Variants in PLCZ1 observed in about 807,000 individuals in gnomAD.
PLCZ1 encodes 1-phosphatidylinositol 4,5-bisphosphate phosphodiesterase zeta-1.
Under a neutral mutation model 76.8 loss-of-function variants are expected in PLCZ1, and 64 were observed. That is an observed-to-expected ratio of 0.83 (90% CI 0.68 to 1.03). The LOEUF (loss-of-function observed/expected upper bound fraction) is 1.03. PLCZ1 is among the 50% of genes least tolerant of loss of function. PLCZ1 has a pLI of 0.00. For missense variants in PLCZ1, 751 were observed against 713.7 expected (o/e 1.05, Z -0.60); for synonymous variants, 248 against 230.8 (o/e 1.07, Z -0.68).
the PLCZ1 span, among the ~76,000 whole-genome samples, chr12:18,652,677 G>A: frequency 6.6e-6 from 1 of 152,088 alleles, no homozygotes; most frequent in African/African-American, 2.4e-5. Flanking sequence ...TGGCACACCA[G>A]TACAAGAAAA....
At chr12:18,734,849 T>A (rs574903121) in intron 3 of PLCZ1, among the ~76,000 whole-genome samples, 42 of 152,336 alleles carry the variant, frequency 2.8e-4, no homozygotes, top group African/African-American at 8.7e-4. Flanking sequence ...TTTTCCCAGA[T>A]CTTAGAAAAA....
chr12:18,718,701 A>G (rs1024312194), intron 5 of PLCZ1, among the ~76,000 whole-genome samples: 2 of 152,146 alleles, frequency 1.3e-5, no homozygotes, highest in Non-Finnish European at 2.9e-5. Context: ...TCCACCCCAC[A>G]GTCACTTTCT....
chr12:18,648,117 TTGTCAAAGAC>T, the PLCZ1 span: 1 of 754,630 alleles, frequency 1.3e-6, no homozygotes, highest in Admixed American at 3.3e-5. Context: ...GGCATCTTTG[TTGTCAAAGAC>T]AGCACAGGGT....
the PLCZ1 span, among the ~76,000 whole-genome samples, chr12:18,652,922 T>C: frequency 6.6e-6 from 1 of 151,780 alleles, no homozygotes; most frequent in Non-Finnish European, 1.5e-5. Flanking sequence ...ATATACATAT[T>C]CTGTCTCACA....
chr12:18,706,014 G>C (rs1313676247), intron 6 of PLCZ1, among the ~76,000 whole-genome samples: 2 of 151,994 alleles, frequency 1.3e-5, no homozygotes, highest in Admixed American at 6.6e-5. Flanking sequence ...ATCACCTGGG[G>C]TCAGGAGTTC....
At chr12:18,712,370 A>G (rs553288344) in intron 6 of PLCZ1, among the ~76,000 whole-genome samples, 2 of 152,178 alleles carry the variant, frequency 1.3e-5, no homozygotes, top group Non-Finnish European at 2.9e-5. Context: ...TAAATTAAAC[A>G]TTTTTGAATC....
intron 11 of PLCZ1, 88 bp downstream of exon 11, chr12:18,696,062 A>G: frequency 1.4e-6 from 1 of 705,908 alleles, no homozygotes. Flanking sequence ...TTTTACAGAA[A>G]GCCCTTTTCA....
chr12:18,716,896 GC>G (rs1168947683), intron 5 of PLCZ1, among the ~76,000 whole-genome samples: 1 of 152,072 alleles, frequency 6.6e-6, no homozygotes, highest in African/African-American at 2.4e-5. Flanking sequence ...ATGCTTTACA[GC>G]AGTAATATTC....
chr12:18,699,465 C>A (rs563706260), intron 10 of PLCZ1, among the ~76,000 whole-genome samples: 4 of 152,108 alleles, frequency 2.6e-5, no homozygotes, highest in African/African-American at 9.7e-5. Context: ...AAAGTTCAAG[C>A]CTTCTAATTC....
chr12:18,735,115 G>T (rs1959190641), intron 3 of PLCZ1, among the ~76,000 whole-genome samples: 1 of 152,182 alleles, frequency 6.6e-6, no homozygotes, highest in Non-Finnish European at 1.5e-5. Context: ...ATTTGGTCAT[G>T]GAATATGATC....
chr12:18,696,327 T>TATATATATATATAC, intron 10 of PLCZ1, 61 bp from the exon 11 acceptor site: 1 of 50,526 alleles, frequency 2.0e-5, no homozygotes, highest in South Asian at 1.3e-3. Flanking sequence ...AGCCACTATA[T>TATATATATATATAC]ATATATATAT....
At chr12:18,689,114 G>C (rs1336317293) in intron 12 of PLCZ1, among the ~76,000 whole-genome samples, 2 of 152,004 alleles carry the variant, frequency 1.3e-5, no homozygotes, top group Non-Finnish European at 2.9e-5. Context: ...GCATGGAATG[G>C]GCATCAGCAT....
intron 6 of PLCZ1, among the ~76,000 whole-genome samples, chr12:18,712,203 A>G (rs1957427776): frequency 6.6e-6 from 1 of 152,160 alleles, no homozygotes; most frequent in Non-Finnish European, 1.5e-5. Flanking sequence ...AAACAACACA[A>G]TGTCTGAAGG....
chr12:18,657,019 A>G, the PLCZ1 span, among the ~76,000 whole-genome samples: 1 of 152,230 alleles, frequency 6.6e-6, no homozygotes, highest in Admixed American at 6.5e-5. Flanking sequence ...AATAGATCTC[A>G]TTCTGACCAC....
chr12:18,732,500 C>A (rs1039999929), intron 3 of PLCZ1, among the ~76,000 whole-genome samples: 7 of 152,148 alleles, frequency 4.6e-5, no homozygotes, highest in Non-Finnish European at 1.0e-4. Flanking sequence ...CTAAGATCTA[C>A]CCTCTTACAC....
At chr12:18,725,229 G>A (rs1252636919) in intron 3 of PLCZ1, among the ~76,000 whole-genome samples, 1 of 152,064 alleles carries the variant, frequency 6.6e-6, no homozygotes, top group Non-Finnish European at 1.5e-5. Flanking sequence ...AAAGCAACAA[G>A]GAGCAAGTGA....
At chr12:18,669,586 A>G in the PLCZ1 span, among the ~76,000 whole-genome samples, 1 of 152,148 alleles carries the variant, frequency 6.6e-6, no homozygotes, top group African/African-American at 2.4e-5. Flanking sequence ...GAGGGCCCCT[A>G]TTCCTGGCTT....
At chr12:18,736,413 C>T (rs900642648) in intron 2 of PLCZ1, 69 bp from the exon 3 acceptor site, 91 of 1,490,328 alleles carry the variant, frequency 6.1e-5, no homozygotes, top group Non-Finnish European at 7.5e-5. Context: ...CCTAAAGAAA[C>T]ATTTGATTTA....
At chr12:18,715,333 T>G (rs935567060) in intron 5 of PLCZ1, among the ~76,000 whole-genome samples, 1 of 151,946 alleles carries the variant, frequency 6.6e-6, no homozygotes, top group African/African-American at 2.4e-5. Flanking sequence ...CTTGGAGGCT[T>G]CACCAACCAA....
Sources: allele counts gnomAD v4.1 joint callset (sites outside exome capture counted in the v4.1 genomes callset), GRCh38; gene constraint gnomAD v4.1.1; transcripts MANE v1.5; gene names NCBI Gene and HGNC (gene_info 2026-07-23, HGNC 2026-07-21).